Variants in HEXA observed in about 807,000 individuals in gnomAD.
The protein encoded by HEXA is hexosaminidase subunit alpha.
HEXA carries 54 observed loss-of-function variants against 73.3 expected under a neutral mutation model. The ratio of observed to expected loss-of-function variants is 0.74; its 90% CI spans 0.59 to 0.92. The LOEUF (loss-of-function observed/expected upper bound fraction) is 0.92, where lower values mean the gene tolerates loss of function less well. Among genes scored for constraint, HEXA ranks in the 40% least tolerant of loss-of-function variants. HEXA has a pLI of 0.00. For synonymous variants in HEXA, 230 were observed against 246.9 expected (o/e 0.93, Z 0.64); for missense variants, 649 against 653.0 (o/e 0.99, Z 0.07).
intron 2 of HEXA, 68 bp downstream of exon 2, chr15:72,356,457 G>A (rs1227018734): frequency 2.5e-6 from 4 of 1,572,042 alleles, no homozygotes; most frequent in Non-Finnish European, 3.5e-6. Flanking sequence ...GTTTAGGCCA[G>A]GCCATCCAGA....
chr15:72,370,352 A>C, intron 1 of HEXA: 1 of 337,272 alleles, frequency 3.0e-6, no homozygotes, highest in Non-Finnish European at 5.3e-6. Context: ...ACCTTGATCA[A>C]GTTTAGCTTC....
intron 13 of HEXA, 103 bp downstream of exon 13, chr15:72,345,343 G>A (rs1019828065): frequency 6.4e-7 from 1 of 1,558,362 alleles, no homozygotes; most frequent in Non-Finnish European, 8.7e-7. Flanking sequence ...ATAAGCCTCT[G>A]TAAGTGTTAG....
At position 72,375,956 on chromosome 15, in the gene HEXA, A is replaced by C. The variant is rs1424640566; in HGVS notation, c.17T>G (p.Leu6Arg). The C allele has an allele frequency of 1.2e-6, 2 of 1,613,566 alleles. No individual in the cohort carries two copies. The highest frequency in any genetic ancestry group is 1.7e-6 in the Non-Finnish European group (2 of 1,179,974). ...TGCCGCCAGCAGCAGCGAAAACCAA[A>C]GCCTGGAGCTTGTCATGGCCCGCTG... MTSSR[L>R]WFSLLLAAAF... The change falls in exon 1 of 14, where the codon CTT (leucine) becomes CGT (arginine). Residue 6 changes from leucine (L) to arginine (R), a missense_variant. Physicochemically the swap from Leu to Arg is moderately radical, Grantham distance 102. Coordinates refer to ENST00000268097, the MANE Select transcript of HEXA (RefSeq NM_000520.6).
Position 72,342,036 on chromosome 15 carries a change from T to C in HEXA, c.*2041A>G, listed in dbSNP as rs1188250007. 1.3e-5 allele frequency: 2 copies of C among 152,126 alleles called. No homozygotes were observed. The highest frequency in any genetic ancestry group is 2.9e-5 in the Non-Finnish European group (2 of 68,026). The allele number at this position is 152,126 out of a possible 1,614,324, so 9.4% of individuals were successfully genotyped here. A position where few individuals can be genotyped will look rare whatever the true frequency, so the allele number is the denominator to read the frequency against. ...TACTTAACATTATCCCAAGCAATAG[T>C]AACATGAAAGTTATGACCAGGAGGG... On this transcript the variant is annotated 3_prime_UTR_variant, in exon 14 of 14. Transcript: ENST00000268097.
At chr15:72,351,453 A>C (rs948767589) in intron 5 of HEXA, 9 of 606,582 alleles carry the variant, frequency 1.5e-5, no homozygotes, top group Admixed American at 5.4e-5. Context: ...CCCAGAACAC[A>C]TCCAAAGATG....
chr15:72,356,424 G>A (rs2088780372), intron 2 of HEXA, 101 bp downstream of exon 2: 7 of 1,281,746 alleles, frequency 5.5e-6, no homozygotes, highest in Non-Finnish European at 7.8e-6. Context: ...GGGTCAAGGG[G>A]GACTCCAGGC....
chr15:72,365,112 C>A (rs568967102), intron 1 of HEXA, among the ~76,000 whole-genome samples: 1 of 151,966 alleles, frequency 6.6e-6, no homozygotes, highest in African/African-American at 2.4e-5. Flanking sequence ...TTTTTTGAGA[C>A]GGAGTCTCGC....
At chr15:72,372,307 C>A (rs1404833723) in intron 1 of HEXA, among the ~76,000 whole-genome samples, 1 of 150,662 alleles carries the variant, frequency 6.6e-6, no homozygotes, top group Non-Finnish European at 1.5e-5. Flanking sequence ...CAAAATCACA[C>A]CACTGCATTC....
rs550722707 is a variant in HEXA, at chr15:72,363,357, C to T, written c.254-6740G>A. On this transcript the variant is annotated intron_variant, in intron 1 of 13. Coordinates refer to ENST00000268097, the MANE Select transcript of HEXA (RefSeq NM_000520.6). ...AGGGCTATGGTAGATTTAATAGCCACGTCCAGGAAAGGTGGAAGGCTTGAC... is the reference window on the plus strand; with the variant it reads ...AGGGCTATGGTAGATTTAATAGCCATGTCCAGGAAAGGTGGAAGGCTTGAC... 7.2e-5 allele frequency among the ~76,000 whole-genome samples: 11 copies of T among 152,244 alleles called. 1 individual carries two copies. The South Asian group carries it at 1.9e-3, about 26-fold the overall frequency.
intron 1 of HEXA, among the ~76,000 whole-genome samples, chr15:72,365,868 C>T (rs774411093): frequency 5.9e-5 from 9 of 152,122 alleles, no homozygotes; most frequent in Non-Finnish European, 1.3e-4. Flanking sequence ...GGAAATCCGC[C>T]ATGTCATATC....
At chr15:72,348,591 C>CA (rs1451427523) in intron 8 of HEXA, among the ~76,000 whole-genome samples, 1 of 152,190 alleles carries the variant, frequency 6.6e-6, no homozygotes, top group Non-Finnish European at 1.5e-5. Flanking sequence ...CTCACATCTC[C>CA]AAAAAGCCAA....
At chr15:72,353,320 C>T (rs2088727527) in intron 4 of HEXA, 142 bp from the exon 5 acceptor site, 1 of 703,150 alleles carries the variant, frequency 1.4e-6, no homozygotes, top group African/African-American at 1.8e-5. Context: ...AAATGCTCCC[C>T]ACCTCTATAA....
chr15:72,350,600 C>A lies in HEXA; in HGVS notation c.723G>T (p.Glu241Asp), dbSNP rs1435809210. 6.2e-7 allele frequency: 1 copy of A among 1,614,188 alleles called. No individual in the cohort carries two copies. The highest frequency in any genetic ancestry group is 8.5e-7 in the Non-Finnish European group (1 of 1,180,036). ...CCCGGAGCCGTGCGTATTCAATGAC[C>A]TCCTTCACATCCTGTGCTGTGTAGA... The part of the protein sequence containing the change: ...THIYTAQDVK[E>D]VIEYARLRGI... Residue 241 changes from glutamate to aspartate, a missense_variant, in exon 7 of 14, where the codon GAG becomes GAT. Glu to Asp is a conservative substitution (Grantham distance 45). Transcript: ENST00000268097.
intron 2 of HEXA, chr15:72,356,120 C>T (rs2088775465): frequency 2.6e-6 from 1 of 383,390 alleles, no homozygotes; most frequent in African/African-American, 2.1e-5. Flanking sequence ...TGAGAAGTCC[C>T]CAAATGCTGC....
At position 72,347,716 on chromosome 15, in the gene HEXA, C is replaced by A; in HGVS notation, c.1116G>T (p.Val372=). 4 of 1,614,222 alleles carry A rather than the reference C, an allele frequency of 2.5e-6. No homozygotes were observed. The South Asian group carries it at 4.4e-5, about 18-fold the overall frequency. Residue 372 remains valine (V), a synonymous_variant, in exon 10 of 14, where the codon GTG becomes GTT. Transcript: ENST00000268097. ...IVSSYGKGYV[V]WQEVFDNKVK... is the part of the protein sequence containing the mutation. ...CTTTATTATCAAACACCTCCTGCCA[C>A]ACCACATAGCCCTTGCCATAAGAAG...
intron 1 of HEXA, among the ~76,000 whole-genome samples, chr15:72,365,958 T>C (rs960003635): frequency 6.6e-6 from 1 of 152,198 alleles, no homozygotes; most frequent in Non-Finnish European, 1.5e-5. Flanking sequence ...TTTATACATG[T>C]TGCTTCCTCT....
chr15:72,355,607 C>T lies in HEXA; in HGVS notation c.364G>A (p.Asp122Asn). 2 of 1,610,816 alleles carry T rather than the reference C, an allele frequency of 1.2e-6. No individual in the cohort carries two copies. Among genetic ancestry groups the T allele is most frequent in the Non-Finnish European group, 8.5e-7 (1 of 1,177,212 alleles). Residue 122 changes from aspartate (D) to asparagine (N), a missense_variant, in exon 3 of 14, where the codon GAT (aspartate) becomes AAT (asparagine). Physicochemically the swap from Asp to Asn is conservative, Grantham distance 23. Coordinates refer to ENST00000268097, the MANE Select transcript of HEXA (RefSeq NM_000520.6). ...TCAGAGAGGAGTAAACACTGGTCAT[C>T]ATTTATGGTCAGGGTATCTGAAATG... Reference protein sequence around the residue: ...SVENYTLTINDDQCLLLSETV... With the variant: ...SVENYTLTINNDQCLLLSETV...
intron 1 of HEXA, among the ~76,000 whole-genome samples, chr15:72,372,148 C>T (rs2089002420): frequency 6.6e-6 from 1 of 152,028 alleles, no homozygotes; most frequent in South Asian, 2.1e-4. Flanking sequence ...GTCTGGCCAA[C>T]GTGGTGAAAC....
At chr15:72,353,516 C>T (rs946586284) in intron 4 of HEXA, among the ~76,000 whole-genome samples, 175 bp downstream of exon 4, 1 of 152,172 alleles carries the variant, frequency 6.6e-6, no homozygotes. Flanking sequence ...ACAGTGATTC[C>T]AAACAGACCA....
Sources: allele counts gnomAD v4.1 joint callset (sites outside exome capture counted in the v4.1 genomes callset), GRCh38; gene constraint gnomAD v4.1.1; transcripts MANE v1.5; gene names NCBI Gene and HGNC (gene_info 2026-07-23, HGNC 2026-07-21).